The following ANO5 variants were observed in gnomAD, a reference collection of about 807,000 sequenced individuals.
ANO5 encodes anoctamin-5.
In ANO5, 109 loss-of-function variants were observed where a neutral mutation model predicts 121.0. The observed-to-expected ratio is 0.90, with a 90% CI of 0.77 to 1.06. The LOEUF is 1.06. Among genes scored for constraint, ANO5 ranks in the 50% least tolerant of loss-of-function variants. The probability of loss-of-function intolerance (pLI) is 0.00; values close to 1 mark genes in which losing one functional copy is unlikely to be tolerated. For missense variants in ANO5, 1,064 were observed against 1,078.5 expected, an observed-to-expected ratio of 0.99 and a Z score of 0.19; for synonymous variants, 406 against 359.9, an observed-to-expected ratio of 1.13 and a Z score of -1.45.
At chr11:22,244,309 T>C (rs1004806411) in intron 9 of ANO5, among the ~76,000 whole-genome samples, 1 of 152,122 alleles carries the variant, frequency 6.6e-6, no homozygotes. Flanking sequence ...GGATGTAATC[T>C]GACTCTTCTT....
Position 22,193,469 on chromosome 11 carries a change from A to G in ANO5, c.-24A>G. The G allele has an allele frequency of 6.2e-7, 1 of 1,609,396 alleles. No homozygotes were observed. The highest frequency in any genetic ancestry group is 8.5e-7 in the Non-Finnish European group (1 of 1,178,390). The stretch of plus-strand genomic sequence containing the variant: ...CCTCTCCTGCTGCCTCTCAGGCACC[A>G]GTGCCATTAACGAGCTGGCGAAGAT... On this transcript the variant is annotated 5_prime_UTR_variant, in exon 1 of 22. Coordinates refer to ENST00000324559, the MANE Select transcript of ANO5 (RefSeq NM_213599.3).
In ANO5 at chr11:22,259,531, G is replaced by T; in HGVS notation, c.1420G>T (p.Val474Phe). 6 of 1,613,962 alleles carry T rather than the reference G, an allele frequency of 3.7e-6. No individual in the cohort carries two copies. Among genetic ancestry groups the T allele is most frequent in the Non-Finnish European group, 5.1e-6 (6 of 1,179,952 alleles). The change falls in exon 15 of 22, where the codon GTC becomes TTC. Residue 474 changes from valine to phenylalanine, a missense_variant. Val to Phe is a conservative substitution (Grantham distance 50). Coordinates refer to ENST00000324559, the MANE Select transcript of ANO5 (RefSeq NM_213599.3). ...ATVTLWMSLV[V>F]TSMVAVIVYR... Reference sequence around the variant, plus strand: ...TTTCCTTTCCCAGATGTCTCTTGTCGTCACCAGTATGGTAGCTGTAATTGT... The same window carrying T: ...TTTCCTTTCCCAGATGTCTCTTGTCTTCACCAGTATGGTAGCTGTAATTGT...
chr11:22,204,602 T>A (rs1485310251), intron 2 of ANO5, among the ~76,000 whole-genome samples: 7 of 152,086 alleles, frequency 4.6e-5, no homozygotes, highest in African/African-American at 1.4e-4. Context: ...GTTGGCTGGA[T>A]AAGCTCATTA....
chr11:22,241,177 C>G (rs1853417597), intron 9 of ANO5, among the ~76,000 whole-genome samples: 1 of 35,106 alleles, frequency 2.8e-5, no homozygotes, highest in Non-Finnish European at 5.8e-5. Context: ...ACACCCCTCT[C>G]CCACACTACC....
At chr11:22,195,583 C>T (rs949771031) in intron 1 of ANO5, among the ~76,000 whole-genome samples, 19 of 152,070 alleles carry the variant, frequency 1.2e-4, no homozygotes, top group East Asian at 3.9e-4. Context: ...TGCTGCACCA[C>T]GACCTCCCCA....
At chr11:22,200,170 A>T (rs764944912) in intron 1 of ANO5, among the ~76,000 whole-genome samples, 14 of 152,120 alleles carry the variant, frequency 9.2e-5, no homozygotes, top group Admixed American at 3.3e-4. Context: ...GCACACAGTG[A>T]CGGTCATAAG....
At chr11:22,220,988 C>A in intron 4 of ANO5, 109 bp from the exon 5 acceptor site, 1 of 771,896 alleles carries the variant, frequency 1.3e-6, no homozygotes, top group Non-Finnish European at 2.2e-6. Flanking sequence ...TTGCTGAAAA[C>A]TCTGGTTATT....
intron 18 of ANO5, among the ~76,000 whole-genome samples, chr11:22,272,558 A>G (rs896801451): frequency 6.6e-6 from 1 of 152,210 alleles, no homozygotes; most frequent in African/African-American, 2.4e-5. Context: ...GGAAGAGCAA[A>G]GAAAGAACTC....
At chr11:22,236,297 G>GA in intron 8 of ANO5, 21 bp downstream of exon 8, 1 of 1,562,648 alleles carries the variant, frequency 6.4e-7, no homozygotes, top group Non-Finnish European at 8.8e-7. Context: ...GTTTGATTGT[G>GA]AAAATCTGAG....
chr11:22,253,496 G>A (rs183914448), intron 12 of ANO5, among the ~76,000 whole-genome samples: 1 of 152,162 alleles, frequency 6.6e-6, no homozygotes, highest in Admixed American at 6.6e-5. Flanking sequence ...ACCAAATACT[G>A]CTTCTAAAAT....
chr11:22,236,707 G>C lies in ANO5; in HGVS notation c.762+431G>C, dbSNP rs138529082. On this transcript the variant is annotated intron_variant, in intron 8 of 21. Transcript: ENST00000324559. ...ATGATTGGCTTCAATTATATGTAAA[G>C]CATTCTGTTAGGCATTATTGGAACA... is the stretch of plus-strand genomic sequence containing the variant. Among the ~76,000 whole-genome samples, 649 of 152,208 alleles carry C rather than the reference G, an allele frequency of 4.3e-3. 3 individuals are homozygous for C. The highest frequency in any genetic ancestry group is 0.015 in the African/African-American group (612 of 41,528).
At chr11:22,269,571 GAAAA>G (rs1228975968) in intron 17 of ANO5, among the ~76,000 whole-genome samples, 1 of 146,438 alleles carries the variant, frequency 6.8e-6, no homozygotes, top group African/African-American at 2.7e-5. Context: ...GAAAAGGAAA[GAAAA>G]AAAGAAAGAA....
chr11:22,207,443 A>G (rs1191404525), intron 2 of ANO5, among the ~76,000 whole-genome samples: 1 of 152,154 alleles, frequency 6.6e-6, no homozygotes, highest in African/African-American at 2.4e-5. Context: ...GTTCAATGGA[A>G]CAAACAGGCT....
Position 22,280,749 on chromosome 11 carries a change from T to G in ANO5, c.*984T>G, listed in dbSNP as rs1204427531. ...TTTAAAATAATTGCAAATATTTTAATAAGTTTACAACCTTTTCTATTGATG... is the reference window on the plus strand; with the variant it reads ...TTTAAAATAATTGCAAATATTTTAAGAAGTTTACAACCTTTTCTATTGATG... On this transcript the variant is annotated 3_prime_UTR_variant, in exon 22 of 22. Coordinates refer to ENST00000324559, the MANE Select transcript of ANO5 (RefSeq NM_213599.3). 3 of 152,032 alleles carry G rather than the reference T, an allele frequency of 2.0e-5. No homozygotes were observed. The highest frequency in any genetic ancestry group is 4.4e-5 in the Non-Finnish European group (3 of 67,882). The allele number at this position is 152,032 out of a possible 1,614,324, so 9.4% of individuals were successfully genotyped here.
intron 16 of ANO5, 22 bp downstream of exon 16, chr11:22,262,320 G>A (rs759420033): frequency 6.2e-7 from 1 of 1,611,244 alleles, no homozygotes; most frequent in East Asian, 2.2e-5. Flanking sequence ...CTTGAGAGTT[G>A]AGGTGTGTAG....
rs78899595 is a variant in ANO5 at position 22,250,756 on chromosome 11, C to T, written c.1029C>T (p.Asp343=). 2,886 of 1,613,966 alleles carry T rather than the reference C, an allele frequency of 1.8e-3. 47 individuals are homozygous for T. The African/African-American group carries it at 0.033, about 18-fold the overall frequency. The part of the protein sequence containing the change: ...EHNTSSTEIC[D]PEIGGQMIMC... The stretch of plus-strand genomic sequence containing the variant: ...CCTCTTGCAGCACTGAAATCTGTGA[C>T]CCTGAGATTGGTGGTCAGATGATCA... Residue 343 remains aspartate (D), a synonymous_variant, in exon 11 of 22, where the codon GAC becomes GAT. Transcript: ENST00000324559.
intron 1 of ANO5, among the ~76,000 whole-genome samples, chr11:22,201,638 C>T (rs1851967360): frequency 6.6e-6 from 1 of 152,088 alleles, no homozygotes; most frequent in African/African-American, 2.4e-5. Flanking sequence ...AGGTTGGGGA[C>T]CACGTCTGGT....
chr11:22,267,754 C>A (rs181889633), intron 17 of ANO5, among the ~76,000 whole-genome samples: 1 of 152,014 alleles, frequency 6.6e-6, no homozygotes, highest in Non-Finnish European at 1.5e-5. Flanking sequence ...CTTCCTGATC[C>A]TCTCCCTCTT....
intron 2 of ANO5, among the ~76,000 whole-genome samples, chr11:22,210,542 T>A (rs1852244813): frequency 6.6e-6 from 1 of 151,962 alleles, no homozygotes; most frequent in African/African-American, 2.4e-5. Flanking sequence ...TGTTGGTTGA[T>A]GTCTCTCCAT....
Sources: allele counts gnomAD v4.1 joint callset (sites outside exome capture counted in the v4.1 genomes callset), GRCh38; gene constraint gnomAD v4.1.1; transcripts MANE v1.5; gene names NCBI Gene and HGNC (gene_info 2026-07-23, HGNC 2026-07-21).